Variants in CACNA1S observed in about 807,000 individuals in gnomAD.
CACNA1S encodes calcium voltage-gated channel subunit alpha1 S.
Under a neutral mutation model 207.4 loss-of-function variants are expected in CACNA1S, and 126 were observed. The ratio of observed to expected loss-of-function variants is 0.61; its 90% CI spans 0.53 to 0.70. The LOEUF (loss-of-function observed/expected upper bound fraction) is 0.70, where lower values mean the gene tolerates loss of function less well. Among genes scored for constraint, CACNA1S ranks in the 30% least tolerant of loss-of-function variants. CACNA1S has a pLI of 0.00. For synonymous variants in CACNA1S, 960 were observed against 932.7 expected, an observed-to-expected ratio of 1.03 and a Z score of -0.53; for missense variants, 2,349 against 2,422.8, an observed-to-expected ratio of 0.97 and a Z score of 0.64.
At chr1:201,097,652 C>A (rs1662486810) in intron 2 of CACNA1S, among the ~76,000 whole-genome samples, 1 of 152,192 alleles carries the variant, frequency 6.6e-6, no homozygotes, top group African/African-American at 2.4e-5. Flanking sequence ...GTGTTTCTAA[C>A]TGTGGGGATT....
chr1:201,089,016 C>T (rs1662127785), intron 6 of CACNA1S, among the ~76,000 whole-genome samples: 3 of 152,244 alleles, frequency 2.0e-5, no homozygotes, highest in Admixed American at 1.3e-4. Context: ...TCACCCGCCC[C>T]TTGGATCCTG....
intron 39 of CACNA1S, among the ~76,000 whole-genome samples, chr1:201,043,877 C>T (rs1660383934): frequency 6.6e-6 from 1 of 152,044 alleles, no homozygotes; most frequent in Admixed American, 6.5e-5. Context: ...TTGGACATCT[C>T]ACATGATCTC....
At position 201,040,391 on chromosome 1, in the gene CACNA1S, A is replaced by C; in HGVS notation, c.5227-17T>G. 6.2e-7 allele frequency: 1 copy of C among 1,612,292 alleles called. No homozygotes were observed. Among genetic ancestry groups the C allele is most frequent in the Non-Finnish European group, 8.5e-7 (1 of 1,179,922 alleles). ...CCTGGGGCACTGTTCCAAAGGTACA[A>C]AAGCAAAGACCCCGACAGGGGTGCT... On this transcript the variant is annotated splice_polypyrimidine_tract_variant and intron_variant, in intron 42 of 43. Coordinates refer to ENST00000362061, the MANE Select transcript of CACNA1S (RefSeq NM_000069.3).
At chr1:201,060,329 A>T (rs1660998203) in intron 26 of CACNA1S, among the ~76,000 whole-genome samples, 1 of 152,212 alleles carries the variant, frequency 6.6e-6, no homozygotes, top group South Asian at 2.1e-4. Flanking sequence ...ATTCCAGCCA[A>T]CTCAACCATC....
chr1:201,073,346 G>A (rs571982565), intron 15 of CACNA1S, among the ~76,000 whole-genome samples: 74 of 72,590 alleles, frequency 1.0e-3, no homozygotes, highest in African/African-American at 2.4e-3. Context: ...CAGATTGGGA[G>A]GTCTGCTGTG....
intron 32 of CACNA1S, among the ~76,000 whole-genome samples, chr1:201,051,411 G>A (rs1660644364): frequency 2.0e-5 from 3 of 152,102 alleles, no homozygotes; most frequent in Admixed American, 1.3e-4. Flanking sequence ...GTTACTAGAG[G>A]GATGCACTGT....
Position 201,054,579 on chromosome 1 carries a change from G to T in CACNA1S, c.3610-18C>A. On this transcript the variant is annotated intron_variant, in intron 28 of 43. Transcript: ENST00000362061. ...AGGAAAGTCTGTGGAGAAAAGAGAC[G>T]AAGGGAGGGGAAGGAGAGGAGAGAG... The T allele has an allele frequency of 6.2e-7, 1 of 1,603,632 alleles. No homozygotes were observed. The highest frequency in any genetic ancestry group is 1.1e-5 in the South Asian group (1 of 89,722).
intron 7 of CACNA1S, among the ~76,000 whole-genome samples, chr1:201,086,457 C>A (rs59722106): frequency 2.0e-5 from 3 of 152,184 alleles, no homozygotes; most frequent in Non-Finnish European, 2.9e-5. Context: ...CTTGCACAAA[C>A]CTAGATGGGA....
intron 7 of CACNA1S, among the ~76,000 whole-genome samples, chr1:201,086,591 A>T (rs1464886159): frequency 6.6e-6 from 1 of 152,256 alleles, no homozygotes; most frequent in Non-Finnish European, 1.5e-5. Flanking sequence ...ATAGCTAAAC[A>T]TAGAGAAGGT....
chr1:201,050,384 C>T lies in CACNA1S; in HGVS notation c.4241+5G>A. The T allele has an allele frequency of 6.2e-7, 1 of 1,614,094 alleles. No individual in the cohort carries two copies. The highest frequency in any genetic ancestry group is 1.3e-5 in the African/African-American group (1 of 75,050). On this transcript the variant is annotated splice_donor_5th_base_variant and intron_variant, in intron 34 of 43. Transcript: ENST00000362061. ...CCCAGCACAGAGCCTACAGATTGGA[C>T]TCACTTAGCCTCTGGGTCATACTCT...
chr1:201,070,491 C>A, intron 16 of CACNA1S, 87 bp from the exon 17 acceptor site: 1 of 1,584,496 alleles, frequency 6.3e-7, no homozygotes, highest in Non-Finnish European at 8.6e-7. Flanking sequence ...CCTAGGAGCC[C>A]CTGCAGCCAG....
chr1:201,112,135 A>C, intron 1 of CACNA1S, 53 bp downstream of exon 1: 93 of 1,493,404 alleles, frequency 6.2e-5, no homozygotes, highest in Non-Finnish European at 7.1e-5. Context: ...ATCACCCCGA[A>C]TCCCTCCCTC....
chr1:201,054,435 G>A lies in CACNA1S; in HGVS notation c.3666+70C>T, dbSNP rs1362622583. On this transcript the variant is annotated intron_variant, in intron 29 of 43. Coordinates refer to ENST00000362061, the MANE Select transcript of CACNA1S (RefSeq NM_000069.3). ...CACCCCATGCAATCCACGCAGCCAG[G>A]CCCATGCATGCAAGTGGCAGGGCAG... 8 of 1,469,462 alleles carry A rather than the reference G, an allele frequency of 5.4e-6. No individual in the cohort carries two copies. In the African/African-American group the frequency reaches 5.6e-5, roughly 10 times the overall value. The allele number at this position is 1,469,462 out of a possible 1,614,324, so 91.0% of individuals were successfully genotyped here. A position where few individuals can be genotyped will look rare whatever the true frequency, so the allele number is the denominator to read the frequency against.
chr1:201,080,739 T>TTG (rs1661814216), intron 10 of CACNA1S, among the ~76,000 whole-genome samples: 3 of 151,936 alleles, frequency 2.0e-5, no homozygotes, highest in South Asian at 4.2e-4. Context: ...GCAGTTTTTT[T>TTG]TTGTTGTTGT....
chr1:201,069,373 T>C (rs17420160), intron 18 of CACNA1S, 99 bp downstream of exon 18: 37,141 of 1,543,114 alleles, frequency 0.024, 523 homozygotes, highest in Middle Eastern at 0.055. Context: ...GAAACTCTGA[T>C]GCTTGTAGCC....
intron 32 of CACNA1S, 69 bp downstream of exon 32, chr1:201,052,488 G>A: frequency 8.1e-7 from 1 of 1,238,762 alleles, no homozygotes; most frequent in East Asian, 2.3e-5. Context: ...TGGCTCCAGT[G>A]CACATTAGAA....
chr1:201,067,794 A>G (rs1362116857), intron 19 of CACNA1S, among the ~76,000 whole-genome samples: 1 of 152,022 alleles, frequency 6.6e-6, no homozygotes, highest in South Asian at 2.1e-4. Flanking sequence ...AAACTCCACA[A>G]ACTTCTTGAC....
intron 40 of CACNA1S, 28 bp from the exon 41 acceptor site, chr1:201,041,617 C>G (rs755029954): frequency 1.3e-6 from 2 of 1,529,542 alleles, no homozygotes; most frequent in East Asian, 4.5e-5. Flanking sequence ...CTGGGTGAAC[C>G]AGAGAAGGCT....
intron 10 of CACNA1S, 62 bp from the exon 11 acceptor site, chr1:201,078,166 T>A: frequency 7.5e-7 from 1 of 1,325,770 alleles, no homozygotes; most frequent in Non-Finnish European, 1.1e-6. Context: ...CTCCCAGCCT[T>A]GGCTGTGGCT....
Sources: gnomAD v4.1 joint callset for allele counts (sites outside exome capture counted in the v4.1 genomes callset) on GRCh38, gnomAD v4.1.1 for gene constraint, MANE v1.5 for transcripts, NCBI Gene and HGNC (gene_info 2026-07-23, HGNC 2026-07-21) for gene names.